The following EFCAB5 variants were observed in gnomAD, a reference collection of about 807,000 sequenced individuals.
EFCAB5 encodes the protein EF-hand calcium-binding domain-containing protein 5.
EFCAB5 carries 131 observed loss-of-function variants against 167.9 expected under a neutral mutation model. That is an observed-to-expected ratio of 0.78 (90% CI 0.68 to 0.90). The LOEUF (loss-of-function observed/expected upper bound fraction) is 0.90. Ranked by LOEUF, EFCAB5 falls within the 40% of genes least tolerant of loss-of-function variation. EFCAB5 has a pLI of 0.00. For synonymous variants in EFCAB5, 574 were observed against 602.8 expected (o/e 0.95, Z 0.70); for missense variants, 1,663 against 1,745.2 (o/e 0.95, Z 0.84).
intron 3 of EFCAB5, among the ~76,000 whole-genome samples, chr17:29,961,513 A>G (rs2067719790): frequency 6.6e-6 from 1 of 152,130 alleles, no homozygotes; most frequent in African/African-American, 2.4e-5. Context: ...TGTTATATCC[A>G]TGAAGTCATT....
At chr17:30,080,347 T>G in intron 16 of EFCAB5, 106 bp downstream of exon 16, 1 of 1,242,350 alleles carries the variant, frequency 8.0e-7, no homozygotes, top group South Asian at 1.8e-5. Flanking sequence ...GAGAGGTGCC[T>G]CAAGTCACCA....
At chr17:30,017,462 G>A (rs921234261) in intron 7 of EFCAB5, among the ~76,000 whole-genome samples, 1 of 152,096 alleles carries the variant, frequency 6.6e-6, no homozygotes, top group East Asian at 1.9e-4. Flanking sequence ...TGGGTACATA[G>A]CAAGTAGATG....
At chr17:29,986,675 G>C (rs990304648) in intron 4 of EFCAB5, among the ~76,000 whole-genome samples, 1 of 113,026 alleles carries the variant, frequency 8.8e-6, no homozygotes. Context: ...TTGAGACGGA[G>C]TCTCGCTGTC....
At chr17:30,002,524 T>A (rs1346249130) in intron 7 of EFCAB5, among the ~76,000 whole-genome samples, 1 of 152,224 alleles carries the variant, frequency 6.6e-6, no homozygotes, top group African/African-American at 2.4e-5. Context: ...AATTAAAACA[T>A]CATTGTCTGA....
At chr17:29,930,009 T>C (rs2067157416) in intron 1 of EFCAB5, 1 of 1,488,930 alleles carries the variant, frequency 6.7e-7, no homozygotes, top group Admixed American at 1.9e-5. Flanking sequence ...ATCTAGGCGC[T>C]GCTGGGTTGT....
In EFCAB5 at chr17:30,080,995, G is replaced by T. The variant is rs1488870880; in HGVS notation, c.3426+14G>T. 6.3e-7 allele frequency: 1 copy of T among 1,595,010 alleles called. No individual in the cohort carries two copies. The highest frequency in any genetic ancestry group is 8.6e-7 in the Non-Finnish European group (1 of 1,166,970). On this transcript the variant is annotated intron_variant, in intron 17 of 22. Transcript: ENST00000394835. Reference sequence around the variant, plus strand: ...AGATTCTATCAGGTAAGTCATAGAAGTCTTCAAGAGCGATGGTAGGATGGC... The same window carrying T: ...AGATTCTATCAGGTAAGTCATAGAATTCTTCAAGAGCGATGGTAGGATGGC...
chr17:30,092,389 C>A (rs1360974545), intron 21 of EFCAB5, among the ~76,000 whole-genome samples: 1 of 152,036 alleles, frequency 6.6e-6, no homozygotes, highest in Non-Finnish European at 1.5e-5. Context: ...CCAAGGGTAA[C>A]CATCATCTTT....
chr17:30,055,697 A>G (rs541925567), intron 10 of EFCAB5, among the ~76,000 whole-genome samples, 191 bp from the exon 11 acceptor site: 8 of 152,358 alleles, frequency 5.3e-5, no homozygotes, highest in African/African-American at 1.7e-4. Flanking sequence ...AGCTTTTGCT[A>G]TAGAGCTGCT....
intron 3 of EFCAB5, among the ~76,000 whole-genome samples, chr17:29,963,104 GC>G (rs2067754541): frequency 6.6e-6 from 1 of 151,872 alleles, no homozygotes; most frequent in South Asian, 2.1e-4. Flanking sequence ...ACCACACCCA[GC>G]TAATTCTTAA....
chr17:29,940,640 G>A (rs2067285496), upstream of EFCAB5, among the ~76,000 whole-genome samples: 1 of 152,094 alleles, frequency 6.6e-6, no homozygotes, highest in Non-Finnish European at 1.5e-5. Context: ...TTTATTAAGT[G>A]AGTCAAAAAG....
chr17:30,099,358 T>C (rs1217231927), intron 22 of EFCAB5, among the ~76,000 whole-genome samples: 1 of 152,140 alleles, frequency 6.6e-6, no homozygotes, highest in East Asian at 1.9e-4. Flanking sequence ...CTGAGCCCAG[T>C]TAAGGCTGCA....
rs147501825 is a variant in EFCAB5, at chr17:30,053,548, C to A, written c.1594C>A (p.Pro532Thr). Residue 532 changes from proline to threonine, a missense_variant, in exon 10 of 23, where the codon CCA becomes ACA. Pro to Thr is a conservative substitution (Grantham distance 38). Coordinates refer to ENST00000394835, the MANE Select transcript of EFCAB5 (RefSeq NM_198529.4). ...SIEEQQQGKK[P>T]TAEQELYIES... ...TGAAGAACAACAACAAGGCAAAAAG[C>A]CAACTGCAGAGCAAGAACTGTACAT... is the stretch of plus-strand genomic sequence containing the variant. 6.7e-4 allele frequency: 1,084 copies of A among 1,613,696 alleles called. 7 individuals carry two copies. In the African/African-American group the frequency reaches 0.012, roughly 18 times the overall value.
At chr17:29,947,622 A>G (rs2067429853) in intron 3 of EFCAB5, among the ~76,000 whole-genome samples, 1 of 152,050 alleles carries the variant, frequency 6.6e-6, no homozygotes, top group South Asian at 2.1e-4. Flanking sequence ...CTTTCTTATA[A>G]ACTTAGTACT....
intron 22 of EFCAB5, among the ~76,000 whole-genome samples, chr17:30,093,651 C>T (rs964501492): frequency 1.3e-5 from 2 of 152,170 alleles, no homozygotes; most frequent in African/African-American, 4.8e-5. Context: ...GAAGCCTTGA[C>T]CACCAACGCT....
At chr17:29,996,076 C>CA (rs544002209) in intron 5 of EFCAB5, among the ~76,000 whole-genome samples, 1 of 151,566 alleles carries the variant, frequency 6.6e-6, no homozygotes, top group Admixed American at 6.6e-5. Context: ...TATTTTGGTG[C>CA]AAAAAAAATT....
Position 30,054,013 on chromosome 17 carries a change from C to T in EFCAB5, c.2059C>T (p.Pro687Ser), listed in dbSNP as rs1488984690. 1 of 1,609,822 alleles carries T rather than the reference C, an allele frequency of 6.2e-7. No homozygotes were observed. The highest frequency in any genetic ancestry group is 8.5e-7 in the Non-Finnish European group (1 of 1,177,574). Residue 687 changes from proline (P) to serine (S), a missense_variant, in exon 10 of 23, where the codon CCT becomes TCT. Coordinates refer to ENST00000394835, the MANE Select transcript of EFCAB5 (RefSeq NM_198529.4). Reference protein sequence around the residue: ...SILKSTKYGEPITSEYIEVPL... With the variant: ...SILKSTKYGESITSEYIEVPL... ...CTTAAAAAGTACAAAATATGGGGAA[C>T]CTATAACCTCTGAGTACATTGAAGT...
intron 22 of EFCAB5, among the ~76,000 whole-genome samples, chr17:30,096,666 TATATATA>T (rs1262349591): frequency 8.2e-5 from 5 of 60,834 alleles, no homozygotes; most frequent in African/African-American, 3.9e-4. Flanking sequence ...TATATATATA[TATATATA>T]TATATTTTTT....
chr17:29,990,954 A>T (rs2151631150), intron 4 of EFCAB5, among the ~76,000 whole-genome samples: 1 of 152,262 alleles, frequency 6.6e-6, no homozygotes, highest in South Asian at 2.1e-4. Flanking sequence ...AAGGGTAGGG[A>T]CAAACCTCTC....
intron 1 of EFCAB5, chr17:29,930,055 C>T: frequency 8.3e-6 from 2 of 241,030 alleles, no homozygotes; most frequent in Non-Finnish European, 1.4e-5. Flanking sequence ...GTGTGGGGGA[C>T]GGGAGGGTGA....
Sources: gnomAD v4.1 joint callset for allele counts (sites outside exome capture counted in the v4.1 genomes callset) on GRCh38, gnomAD v4.1.1 for gene constraint, MANE v1.5 for transcripts, NCBI Gene and HGNC (gene_info 2026-07-23, HGNC 2026-07-21) for gene names.